The following ZFHX3 variants were observed in gnomAD, a reference collection of about 807,000 sequenced individuals.
The protein encoded by ZFHX3 is zinc finger homeobox 3.
A neutral mutation model predicts 279.1 loss-of-function variants in ZFHX3; 42 were observed. The observed-to-expected ratio is 0.15, with a 90% confidence interval of 0.12 to 0.19. The LOEUF is 0.19. ZFHX3 is among the 10% of genes least tolerant of loss of function. The pLI, the probability that ZFHX3 is intolerant of heterozygous loss-of-function variation, is 1.00. For missense variants in ZFHX3, 4,981 were observed against 4,754.0 expected (o/e 1.05, Z -1.40); for synonymous variants, 2,293 against 1,957.8 (o/e 1.17, Z -4.52).
In ZFHX3 at chr16:73,507,496, T is replaced by C. The variant is rs1350557227; in HGVS notation, c.-1546-51238A>G. ...ATTCAGCTCTGCCACTTTTTTTTTT[T>C]TTTTTTTTTTTTTTTTTGAGACAGG... is the stretch of plus-strand genomic sequence containing the variant. On this transcript the variant is annotated intron_variant, in intron 2 of 17. Transcript: ENST00000641206. Among the ~76,000 whole-genome samples the C allele has an allele frequency of 2.9e-5, 4 of 137,526 alleles. 1 individual carries two copies. The highest frequency in any genetic ancestry group is 1.1e-4 in the African/African-American group (4 of 36,220). 90.2% of individuals were successfully genotyped at this position (137,526 alleles called of 152,430 possible). A position where few individuals can be genotyped will look rare whatever the true frequency, so the allele number is the denominator to read the frequency against.
At chr16:72,837,361 TCAAAGATGACAACGACA>T (rs2143764745) in intron 4 of ZFHX3, among the ~76,000 whole-genome samples, 1 of 152,102 alleles carries the variant, frequency 6.6e-6, no homozygotes, top group East Asian at 1.9e-4. Flanking sequence ...AACTGCCTTC[TCAAAGATGACAACGACA>T]CAAACAGATT....
At chr16:73,750,585 T>C (rs328334) in intron 1 of ZFHX3, among the ~76,000 whole-genome samples, 10,470 of 152,154 alleles carry the variant, frequency 0.069, 467 homozygotes, top group African/African-American at 0.12. Flanking sequence ...GAATTTAACT[T>C]GAAGGGGATT....
intron 4 of ZFHX3, among the ~76,000 whole-genome samples, chr16:73,263,992 C>T (rs1206032188): frequency 2.0e-5 from 3 of 152,126 alleles, no homozygotes; most frequent in Admixed American, 1.3e-4. Flanking sequence ...CATGGCTAAA[C>T]CCCGTCCCTA....
At chr16:72,805,243 A>G (rs773053630) in intron 7 of ZFHX3, among the ~76,000 whole-genome samples, 20 of 151,942 alleles carry the variant, frequency 1.3e-4, no homozygotes, top group Non-Finnish European at 1.0e-4. Flanking sequence ...CAGCCTCCCA[A>G]AGTGCTGGGA....
chr16:73,526,304 A>AG (rs954989849), intron 2 of ZFHX3, among the ~76,000 whole-genome samples: 4 of 152,240 alleles, frequency 2.6e-5, no homozygotes, highest in African/African-American at 9.6e-5. Context: ...AGGCCCAATG[A>AG]GGGCCAGTGC....
chr16:73,059,647 G>A (rs1249096528), exon 1 of ZFHX3: 1 of 151,620 alleles, frequency 6.6e-6, no homozygotes, highest in Admixed American at 6.6e-5. Flanking sequence ...ACAGCTTAGA[G>A]TAAAGGTTTA....
At chr16:73,180,281 A>G (rs146961535) in intron 5 of ZFHX3, among the ~76,000 whole-genome samples, 331 of 152,314 alleles carry the variant, frequency 2.2e-3, no homozygotes, top group African/African-American at 7.3e-3. Flanking sequence ...CATGTTGGGA[A>G]GAGATTCAGG....
chr16:73,170,906 T>C (rs1967505942), intron 5 of ZFHX3, among the ~76,000 whole-genome samples: 1 of 152,038 alleles, frequency 6.6e-6, no homozygotes, highest in Admixed American at 6.6e-5. Context: ...AAGAGGGCAG[T>C]CAGTTTGAGT....
intron 5 of ZFHX3, among the ~76,000 whole-genome samples, chr16:73,186,873 G>A (rs1281719270): frequency 2.6e-5 from 4 of 152,048 alleles, no homozygotes; most frequent in African/African-American, 9.7e-5. Flanking sequence ...CCATTCTGTT[G>A]GTTCAATTAA....
intron 2 of ZFHX3, among the ~76,000 whole-genome samples, chr16:73,547,558 T>TG (rs35159047): frequency 3.3e-5 from 5 of 152,130 alleles, no homozygotes; most frequent in East Asian, 1.9e-4. Flanking sequence ...CAACCATGGA[T>TG]GGGGGGGTTT....
chr16:73,443,060 T>C (rs1039705891), intron 3 of ZFHX3, among the ~76,000 whole-genome samples: 2 of 152,210 alleles, frequency 1.3e-5, no homozygotes, highest in Admixed American at 6.5e-5. Flanking sequence ...TTAAAGATCC[T>C]ATCTCTGAAT....
At chr16:72,945,990 T>A (rs1217825847) in intron 3 of ZFHX3, among the ~76,000 whole-genome samples, 1 of 152,162 alleles carries the variant, frequency 6.6e-6, no homozygotes, top group Non-Finnish European at 1.5e-5. Flanking sequence ...CACCTACATT[T>A]TCTGATTTGC....
At position 72,788,583 on chromosome 16, in the gene ZFHX3, TTGC is replaced by T. The variant is rs778668501; in HGVS notation, c.9690_9692del (p.Gln3231del). 6.8e-6 allele frequency: 11 copies of T among 1,614,052 alleles called. No individual in the cohort carries two copies. In the Admixed American group the frequency reaches 1.7e-4, roughly 24 times the overall value. On this transcript the variant is annotated inframe_deletion, in exon 10 of 10. Transcript: ENST00000268489. ...CTTTCTCACTGTCTTTGTCCTTGCGTTGCTGCTGCTGTTGCAGTGGGAGCTGTG... is the reference window on the plus strand; with the variant it reads ...CTTTCTCACTGTCTTTGTCCTTGCGTTGCTGCTGTTGCAGTGGGAGCTGTG...
chr16:73,670,762 C>T (rs1403207495), intron 2 of ZFHX3, among the ~76,000 whole-genome samples: 1 of 152,066 alleles, frequency 6.6e-6, no homozygotes, highest in Non-Finnish European at 1.5e-5. Flanking sequence ...CTCTTTTTTC[C>T]TTAAGGATTA....
At chr16:73,797,207 A>AAAAAC (rs1555502320) in intron 1 of ZFHX3, among the ~76,000 whole-genome samples, 7 of 148,770 alleles carry the variant, frequency 4.7e-5, no homozygotes, top group African/African-American at 1.8e-4. Flanking sequence ...CTATCTCAAA[A>AAAAAC]AAACAAACAA....
chr16:73,491,539 C>G (rs986208155), intron 2 of ZFHX3, among the ~76,000 whole-genome samples: 1 of 152,188 alleles, frequency 6.6e-6, no homozygotes, highest in Non-Finnish European at 1.5e-5. Context: ...GTGGCATCCT[C>G]ACTACTTCAT....
chr16:73,254,897 T>TATCCATCC (rs1037989311), intron 5 of ZFHX3, among the ~76,000 whole-genome samples: 1 of 148,768 alleles, frequency 6.7e-6, no homozygotes, highest in East Asian at 1.9e-4. Context: ...CCTGTTTATC[T>TATCCATCC]ATCCATCCAT....
At chr16:73,032,219 T>C (rs1964731358) in intron 1 of ZFHX3, among the ~76,000 whole-genome samples, 2 of 152,130 alleles carry the variant, frequency 1.3e-5, no homozygotes, top group Non-Finnish European at 2.9e-5. Context: ...GGAGGATCGC[T>C]TGAGCCCAGG....
At chr16:72,976,339 G>GATTCAC (rs1962345872) in intron 1 of ZFHX3, among the ~76,000 whole-genome samples, 1 of 152,198 alleles carries the variant, frequency 6.6e-6, no homozygotes, top group African/African-American at 2.4e-5. Context: ...AATCTGGATG[G>GATTCAC]TGAATGGGGC....
Sources: allele counts gnomAD v4.1 joint callset (sites outside exome capture counted in the v4.1 genomes callset), GRCh38; gene constraint gnomAD v4.1.1; transcripts MANE v1.5; gene names NCBI Gene and HGNC (gene_info 2026-07-23, HGNC 2026-07-21).